Variants in NDST4 observed in about 807,000 individuals in gnomAD.
NDST4 encodes N-deacetylase and N-sulfotransferase 4.
A neutral mutation model predicts 100.8 loss-of-function variants in NDST4; 63 were observed. The ratio of observed to expected loss-of-function variants is 0.62; its 90% CI spans 0.51 to 0.77. The LOEUF (loss-of-function observed/expected upper bound fraction) is 0.77, where lower values mean the gene tolerates loss of function less well. NDST4 is among the 30% of genes least tolerant of loss of function. NDST4 has a pLI of 0.00. For missense variants in NDST4, 943 were observed against 1,018.4 expected (o/e 0.93, Z 1.01); for synonymous variants, 377 against 361.8 (o/e 1.04, Z -0.48).
intron 2 of NDST4, among the ~76,000 whole-genome samples, chr4:115,005,133 C>A (rs561940692): frequency 6.6e-6 from 1 of 152,108 alleles, no homozygotes; most frequent in Non-Finnish European, 1.5e-5. Flanking sequence ...AATAATTCAT[C>A]ACTCTTTCTA....
At chr4:114,938,516 T>C (rs1725681137) in intron 4 of NDST4, among the ~76,000 whole-genome samples, 1 of 152,246 alleles carries the variant, frequency 6.6e-6, no homozygotes, top group Non-Finnish European at 1.5e-5. Flanking sequence ...CCTTGTAGGA[T>C]TGAATCTCAT....
chr4:115,058,153 A>T (rs1281380257), intron 2 of NDST4, among the ~76,000 whole-genome samples: 1 of 152,086 alleles, frequency 6.6e-6, no homozygotes, highest in Non-Finnish European at 1.5e-5. Context: ...CACAAAGGCA[A>T]TGTGTCTCCT....
chr4:115,000,660 A>T (rs1279197265), intron 2 of NDST4, among the ~76,000 whole-genome samples: 1 of 152,116 alleles, frequency 6.6e-6, no homozygotes, highest in Admixed American at 6.6e-5. Context: ...AAAATTTCTT[A>T]CCCTTCTGCA....
chr4:114,865,849 A>G (rs1204314742), intron 7 of NDST4, among the ~76,000 whole-genome samples: 1 of 152,166 alleles, frequency 6.6e-6, no homozygotes, highest in African/African-American at 2.4e-5. Flanking sequence ...TATAATCAAA[A>G]TGTTGCTTCA....
intron 4 of NDST4, among the ~76,000 whole-genome samples, chr4:114,957,447 A>G (rs1355238400): frequency 6.6e-6 from 1 of 152,158 alleles, no homozygotes; most frequent in East Asian, 1.9e-4. Flanking sequence ...TCAATTATTC[A>G]ATTACCTCCC....
chr4:114,961,143 T>C (rs1578415387), intron 4 of NDST4, among the ~76,000 whole-genome samples: 2 of 152,048 alleles, frequency 1.3e-5, no homozygotes, highest in African/African-American at 2.4e-5. Context: ...TTAGGAAATA[T>C]TTTGAGATGA....
chr4:115,088,391 G>T (rs1729449569), intron 1 of NDST4, among the ~76,000 whole-genome samples: 1 of 151,376 alleles, frequency 6.6e-6, no homozygotes, highest in Admixed American at 6.6e-5. Context: ...TAAAAAACTG[G>T]TATAATGCTT....
intron 4 of NDST4, among the ~76,000 whole-genome samples, chr4:114,969,491 AG>A (rs1056693126): frequency 6.6e-6 from 1 of 152,120 alleles, no homozygotes; most frequent in Non-Finnish European, 1.5e-5. Context: ...AGCAGGCTCC[AG>A]GGTTTGGTGT....
intron 9 of NDST4, among the ~76,000 whole-genome samples, chr4:114,847,398 A>AAAAG (rs1723574395): frequency 7.0e-6 from 1 of 143,124 alleles, no homozygotes; most frequent in Non-Finnish European, 1.5e-5. Context: ...AAAAAAAAAA[A>AAAAG]AAAAAAAAAA....
chr4:115,089,051 T>C (rs1347560846), intron 1 of NDST4, among the ~76,000 whole-genome samples: 1 of 152,048 alleles, frequency 6.6e-6, no homozygotes. Flanking sequence ...TGCTATTTAA[T>C]GCACAAAACA....
Position 114,930,959 on chromosome 4 carries a change from A to G in NDST4, c.1536+4247T>C, listed in dbSNP as rs538336116. Among the ~76,000 whole-genome samples, 262 of 152,190 alleles carry G rather than the reference A, an allele frequency of 1.7e-3. 2 individuals carry two copies. Among genetic ancestry groups the G allele is most frequent in the African/African-American group, 6.0e-3 (251 of 41,560 alleles). ...AAAAAAATTAGCAAATATTTAAAAA[A>G]TAAGCTTCAGGTCATCCAAGCACAC... is the stretch of plus-strand genomic sequence containing the variant. On this transcript the variant is annotated intron_variant, in intron 6 of 13. Transcript: ENST00000264363.
At chr4:115,062,551 A>G (rs1728847146) in intron 2 of NDST4, among the ~76,000 whole-genome samples, 1 of 151,866 alleles carries the variant, frequency 6.6e-6, no homozygotes. Context: ...AAGATATAAA[A>G]AGACATGAAA....
At chr4:115,069,145 T>G (rs1729016840) in intron 2 of NDST4, among the ~76,000 whole-genome samples, 1 of 152,066 alleles carries the variant, frequency 6.6e-6, no homozygotes, top group Non-Finnish European at 1.5e-5. Context: ...ACTTAAAATG[T>G]GGGTAGATTC....
chr4:115,002,058 T>C (rs1184827527), intron 2 of NDST4, among the ~76,000 whole-genome samples: 1 of 152,146 alleles, frequency 6.6e-6, no homozygotes, highest in East Asian at 1.9e-4. Flanking sequence ...TATATGAAGA[T>C]GTAAAAGGAG....
chr4:114,919,067 A>G (rs1264131217), intron 6 of NDST4, among the ~76,000 whole-genome samples: 1 of 152,230 alleles, frequency 6.6e-6, no homozygotes, highest in Non-Finnish European at 1.5e-5. Flanking sequence ...TCAATACAGA[A>G]TTGATCTCAT....
intron 6 of NDST4, among the ~76,000 whole-genome samples, chr4:114,928,787 CT>C (rs1451559657): frequency 6.6e-6 from 1 of 152,076 alleles, no homozygotes; most frequent in African/African-American, 2.4e-5. Context: ...TTTCCTTCTG[CT>C]TGACTGCCTT....
At chr4:114,908,887 T>C (rs1462843026) in intron 6 of NDST4, among the ~76,000 whole-genome samples, 1 of 152,170 alleles carries the variant, frequency 6.6e-6, no homozygotes, top group African/African-American at 2.4e-5. Context: ...AAATAAACCG[T>C]AAATTGGAAT....
intron 2 of NDST4, among the ~76,000 whole-genome samples, chr4:115,010,178 A>G (rs1323782472): frequency 7.8e-6 from 1 of 128,188 alleles, no homozygotes; most frequent in East Asian, 2.5e-4. Flanking sequence ...CAGACATCCC[A>G]TTACTGGGTA....
chr4:114,854,344 A>C (rs1361871476), intron 7 of NDST4, among the ~76,000 whole-genome samples: 2 of 152,228 alleles, frequency 1.3e-5, no homozygotes, highest in Non-Finnish European at 2.9e-5. Context: ...TTCATTGTGT[A>C]TAAGTACCAC....
Sources: gnomAD v4.1 joint callset for allele counts (sites outside exome capture counted in the v4.1 genomes callset) on GRCh38, gnomAD v4.1.1 for gene constraint, MANE v1.5 for transcripts, NCBI Gene and HGNC (gene_info 2026-07-23, HGNC 2026-07-21) for gene names.